The following CEP295 variants were observed in gnomAD, a reference collection of about 807,000 sequenced individuals.
CEP295 encodes centrosomal protein of 295 kDa.
A neutral mutation model predicts 291.6 loss-of-function variants in CEP295; 190 were observed. That is an observed-to-expected ratio of 0.65 (90% CI 0.58 to 0.73). The LOEUF (loss-of-function observed/expected upper bound fraction) is 0.73, where lower values mean the gene tolerates loss of function less well. Ranked by LOEUF, CEP295 falls within the 30% of genes least tolerant of loss-of-function variation. The pLI is 0.00. For missense variants in CEP295, 2,863 were observed against 2,949.4 expected (o/e 0.97, Z 0.68); for synonymous variants, 993 against 1,038.8 (o/e 0.96, Z 0.85).
At chr11:93,679,221 C>T (rs1452244530) in intron 6 of CEP295, among the ~76,000 whole-genome samples, 191 bp from the exon 7 acceptor site, 2 of 152,076 alleles carry the variant, frequency 1.3e-5, no homozygotes, top group Admixed American at 6.6e-5. Flanking sequence ...ATGAGTAACT[C>T]GTAAAGCTTT....
chr11:93,702,692 C>A (rs938863566), intron 16 of CEP295, 55 bp downstream of exon 16: 1 of 1,528,916 alleles, frequency 6.5e-7, no homozygotes. Context: ...TTGTTTTCGT[C>A]CCCTGTAGCT....
At chr11:93,716,481 A>G (rs1392677933) in intron 18 of CEP295, among the ~76,000 whole-genome samples, 1 of 152,182 alleles carries the variant, frequency 6.6e-6, no homozygotes, top group African/African-American at 2.4e-5. Flanking sequence ...GTATGAAGGT[A>G]CTTTTTTATA....
intron 5 of CEP295, 33 bp from the exon 6 acceptor site, chr11:93,675,537 CT>C: frequency 8.4e-7 from 1 of 1,187,390 alleles, no homozygotes; most frequent in Non-Finnish European, 1.2e-6. Flanking sequence ...AAAATTAATG[CT>C]TTTAACCTAT....
intron 5 of CEP295, among the ~76,000 whole-genome samples, chr11:93,672,515 C>T (rs185354220): frequency 6.6e-6 from 1 of 152,088 alleles, no homozygotes; most frequent in East Asian, 1.9e-4. Context: ...CTTGAACTCC[C>T]AGGCTAAAGC....
At chr11:93,705,072 A>G (rs375794898) in intron 17 of CEP295, among the ~76,000 whole-genome samples, 60 of 152,246 alleles carry the variant, frequency 3.9e-4, no homozygotes, top group African/African-American at 1.3e-3. Context: ...TAATTTGCTT[A>G]AAGTTTTTAG....
In CEP295 at chr11:93,730,237, C is replaced by A; in HGVS notation, c.7774C>A (p.Leu2592Ile). Residue 2592 changes from leucine to isoleucine, a missense_variant, in exon 30 of 30, where the codon CTA (leucine) becomes ATA (isoleucine). Physicochemically the swap from Leu to Ile is conservative, Grantham distance 5 (BLOSUM62 2). This residue lies in a region of CEP295 where 2,295 missense variants were observed against 2,335.7 expected (regional missense o/e 0.98). Transcript: ENST00000325212. ...ATTTTTATTCCTTCCACAGAAAACA[C>A]TAGAGAAACTTCGAGCCAAAAATAC... is the stretch of plus-strand genomic sequence containing the variant. Reference protein sequence around the residue: ...ARAKEFHKKTLEKLRAKNTC With the variant: ...ARAKEFHKKTIEKLRAKNTC 1 of 1,551,066 alleles carries A rather than the reference C, an allele frequency of 6.4e-7. No individual in the cohort carries two copies. Among genetic ancestry groups the A allele is most frequent in the Non-Finnish European group, 8.7e-7 (1 of 1,146,806 alleles).
chr11:93,728,679 A>G lies in CEP295; in HGVS notation c.7162-2A>G. 6.5e-7 allele frequency: 1 copy of G among 1,528,794 alleles called. No homozygotes were observed. The highest frequency in any genetic ancestry group is 8.8e-7 in the Non-Finnish European group (1 of 1,140,204). 94.7% of individuals were successfully genotyped at this position (1,528,794 alleles called of 1,614,324 possible). ...GGTTTTCCTTTTAATTGTGGTTCAC[A>G]GGAAACAGAAACTGGCCATGGTATA... On this transcript the variant is annotated splice_acceptor_variant, in intron 24 of 29. Coordinates refer to ENST00000325212, the MANE Select transcript of CEP295 (RefSeq NM_033395.2). LOFTEE classifies it high-confidence loss of function.
chr11:93,720,678 C>T (rs938981292), intron 18 of CEP295, among the ~76,000 whole-genome samples: 4 of 152,000 alleles, frequency 2.6e-5, no homozygotes, highest in Non-Finnish European at 5.9e-5. Context: ...TTACAACCTC[C>T]GCCTCCCAGG....
At chr11:93,666,560 C>G (rs1950215634) in intron 1 of CEP295, 122 bp from the exon 2 acceptor site, 1 of 512,070 alleles carries the variant, frequency 2.0e-6, no homozygotes, top group African/African-American at 1.9e-5. Context: ...CACCACTGCC[C>G]TCCAGCCTGG....
rs1231176486 is a variant in CEP295, at chr11:93,700,053, T to C, written c.5141T>C (p.Leu1714Ser). ...QQDNLGLQKQ[L>S]DLQREVLHYS... is the part of the protein sequence containing the mutation. Reference sequence around the variant, plus strand: ...GATAACTTGGGACTTCAGAAACAGTTGGATCTACAAAGAGAAGTTCTGCAT... The same window carrying C: ...GATAACTTGGGACTTCAGAAACAGTCGGATCTACAAAGAGAAGTTCTGCAT... Residue 1714 changes from leucine to serine, a missense_variant, in exon 15 of 30, where the codon TTG becomes TCG. Transcript: ENST00000325212. The C allele has an allele frequency of 3.9e-6, 6 of 1,551,846 alleles. No homozygotes were observed. Among genetic ancestry groups the C allele is most frequent in the Middle Eastern group, 1.7e-4 (1 of 5,994 alleles).
chr11:93,722,550 G>A (rs1953818168), intron 20 of CEP295: 1 of 159,370 alleles, frequency 6.3e-6, no homozygotes, highest in Admixed American at 6.2e-5. Flanking sequence ...GGGATGCTCT[G>A]TAGATCCCCA....
At chr11:93,716,826 T>G (rs1953287640) in intron 18 of CEP295, among the ~76,000 whole-genome samples, 1 of 152,242 alleles carries the variant, frequency 6.6e-6, no homozygotes, top group Admixed American at 6.5e-5. Context: ...TTGCACTGGT[T>G]TATCTCGTAA....
chr11:93,696,653 C>A, intron 14 of CEP295, 29 bp from the exon 15 acceptor site: 1 of 1,494,308 alleles, frequency 6.7e-7, no homozygotes, highest in South Asian at 1.3e-5. Flanking sequence ...CATTAAAAAA[C>A]AATAATTGTT....
At chr11:93,669,061 A>G (rs1449622637) in intron 4 of CEP295, 129 bp downstream of exon 4, 4 of 540,008 alleles carry the variant, frequency 7.4e-6, no homozygotes, top group Non-Finnish European at 1.3e-5. Flanking sequence ...GTTAAACTTG[A>G]TTTAAAAATA....
Position 93,697,505 on chromosome 11 carries a change from C to G in CEP295, c.2593C>G (p.Gln865Glu), listed in dbSNP as rs1479440475. The G allele has an allele frequency of 1.7e-5, 26 of 1,551,720 alleles. No homozygotes were observed. In the Admixed American group the frequency reaches 4.9e-4, roughly 29 times the overall value. The change falls in exon 15 of 30, where the codon CAG (glutamine) becomes GAG (glutamate). Residue 865 changes from glutamine (Q) to glutamate (E), a missense_variant. By Grantham distance (29) the Gln-to-Glu change is conservative (BLOSUM62 2). This residue lies in a region of CEP295 where 2,295 missense variants were observed against 2,335.7 expected (regional missense o/e 0.98). Transcript: ENST00000325212. ...DLQKKVLQAT[Q>E]EAQEQLLLCK... ...ACAGAAGAAAGTTCTTCAGGCAACT[C>G]AGGAAGCTCAGGAACAGTTGCTTTT...
chr11:93,725,114 G>C (rs936078618), intron 22 of CEP295, among the ~76,000 whole-genome samples: 12 of 151,586 alleles, frequency 7.9e-5, no homozygotes, highest in African/African-American at 2.9e-4. Flanking sequence ...AAATTAGTTG[G>C]GTGTGATGGC....
intron 9 of CEP295, 106 bp from the exon 10 acceptor site, chr11:93,687,536 CTG>C (rs1253198237): frequency 1.3e-5 from 8 of 607,834 alleles, no homozygotes; most frequent in South Asian, 4.4e-5. Context: ...GAAAATAAAA[CTG>C]TGCTTTTAAC....
chr11:93,663,121 A>T (rs913112590), intron 1 of CEP295, among the ~76,000 whole-genome samples: 10 of 152,258 alleles, frequency 6.6e-5, no homozygotes, highest in Non-Finnish European at 1.5e-4. Context: ...TGTAACTCAC[A>T]TATCTTAATC....
intron 18 of CEP295, among the ~76,000 whole-genome samples, chr11:93,709,912 G>A (rs1183016331): frequency 6.6e-6 from 1 of 151,918 alleles, no homozygotes; most frequent in African/African-American, 2.4e-5. Context: ...GTTGTAAATG[G>A]GATTACTTTC....
Sources: gnomAD v4.1 joint callset for allele counts (sites outside exome capture counted in the v4.1 genomes callset) on GRCh38, gnomAD v4.1.1 for gene constraint, gnomAD v4.1.1 regional missense constraint, MANE v1.5 for transcripts, NCBI Gene and HGNC (gene_info 2026-07-23, HGNC 2026-07-21) for gene names.